Variants in NEK1 observed in about 807,000 individuals in gnomAD.
NEK1 encodes NIMA related kinase 1, also known as serine/threonine-protein kinase Nek1.
A neutral mutation model predicts 182.1 loss-of-function variants in NEK1; 137 were observed. The observed-to-expected ratio is 0.75, with a 90% CI of 0.65 to 0.87. NEK1 has a LOEUF of 0.87. Ranked by LOEUF, NEK1 falls within the 40% of genes least tolerant of loss-of-function variation. NEK1 has a pLI of 0.00. For missense variants in NEK1, 1,391 were observed against 1,494.4 expected, an observed-to-expected ratio of 0.93 and a Z score of 1.14; for synonymous variants, 513 against 492.2, an observed-to-expected ratio of 1.04 and a Z score of -0.56.
At chr4:169,543,209 T>C (rs948525302) in intron 18 of NEK1, among the ~76,000 whole-genome samples, 4 of 152,202 alleles carry the variant, frequency 2.6e-5, no homozygotes, top group Admixed American at 1.3e-4. Flanking sequence ...TGCATATGGC[T>C]AGCCAGTTTT....
chr4:169,500,580 AC>A (rs1752248616), intron 23 of NEK1, among the ~76,000 whole-genome samples: 1 of 152,118 alleles, frequency 6.6e-6, no homozygotes, highest in Non-Finnish European at 1.5e-5. Flanking sequence ...AATCTTACAA[AC>A]CAGAAGACAT....
At chr4:169,439,302 T>C (rs35886187) in intron 27 of NEK1, among the ~76,000 whole-genome samples, 1 of 152,146 alleles carries the variant, frequency 6.6e-6, no homozygotes, top group African/African-American at 2.4e-5. Flanking sequence ...TTGGCTGCAG[T>C]CCTTTTATAA....
At chr4:169,484,800 C>T (rs1748751325) in intron 23 of NEK1, among the ~76,000 whole-genome samples, 1 of 152,180 alleles carries the variant, frequency 6.6e-6, no homozygotes, top group Non-Finnish European at 1.5e-5. Flanking sequence ...TGTTTTTATC[C>T]TCTCTGAACC....
At chr4:169,422,061 G>A (rs78008685) in intron 31 of NEK1, among the ~76,000 whole-genome samples, 3,484 of 152,280 alleles carry the variant, frequency 0.023, 62 homozygotes, top group Non-Finnish European at 0.04. Flanking sequence ...CAGATAAAGT[G>A]AATTTAAAAG....
At chr4:169,494,972 T>TGTA (rs1336696611) in intron 23 of NEK1, among the ~76,000 whole-genome samples, 1 of 152,208 alleles carries the variant, frequency 6.6e-6, no homozygotes, top group East Asian at 1.9e-4. Flanking sequence ...TTGAGTTCAT[T>TGTA]GTAGATTCTG....
intron 27 of NEK1, among the ~76,000 whole-genome samples, chr4:169,445,865 T>TATATATATACACACACAC (rs569539235): frequency 4.9e-5 from 7 of 143,280 alleles, no homozygotes; most frequent in African/African-American, 1.9e-4. Context: ...TATATATATA[T>TATATATATACACACACAC]ACACACACAC....
chr4:169,581,078 G>A (rs1445011224), intron 10 of NEK1, among the ~76,000 whole-genome samples, 176 bp from the exon 11 acceptor site: 3 of 147,374 alleles, frequency 2.0e-5, no homozygotes, highest in Admixed American at 6.8e-5. Flanking sequence ...CCCAGGTGTC[G>A]TGGTTCATGC....
chr4:169,541,900 C>T (rs1759486102), intron 18 of NEK1, among the ~76,000 whole-genome samples: 1 of 152,186 alleles, frequency 6.6e-6, no homozygotes, highest in South Asian at 2.1e-4. Flanking sequence ...GTCCTCATAT[C>T]TGACCGAAAT....
At position 169,393,799 on chromosome 4, in the gene NEK1, A is replaced by G. The variant is rs899997899; in HGVS notation, c.*711T>C. On this transcript the variant is annotated 3_prime_UTR_variant, in exon 36 of 36. Transcript: ENST00000507142. The stretch of plus-strand genomic sequence containing the variant: ...TAAATCCACAGACTAATTTTTCGAT[A>G]TAGTATTCCTGGTTCTGGTCCTTAA... The G allele has an allele frequency of 1.3e-5, 2 of 152,184 alleles. No individual in the cohort carries two copies. The highest frequency in any genetic ancestry group is 4.8e-5 in the African/African-American group (2 of 41,460). 9.4% of individuals were successfully genotyped at this position (152,184 alleles called of 1,614,324 possible). A position where few individuals can be genotyped will look rare whatever the true frequency, so the allele number is the denominator to read the frequency against.
At position 169,576,947 on chromosome 4, in the gene NEK1, GGTTTC is replaced by G. The variant is rs1204331228; in HGVS notation, c.996_1000del (p.Lys332AsnfsTer6). On this transcript the variant is annotated frameshift_variant, in exon 12 of 36. Coordinates refer to ENST00000507142, the MANE Select transcript of NEK1 (RefSeq NM_001199397.3). LOFTEE classifies it high-confidence loss of function. The stretch of plus-strand genomic sequence containing the variant: ...TCATACCTGTTTATGTTTTTGCAGT[GGTTTC>G]TTTTCGTGTAATTTTTTATCTCCAT... The G allele has an allele frequency of 6.2e-7, 1 of 1,607,088 alleles. No individual in the cohort carries two copies. Among genetic ancestry groups the G allele is most frequent in the Non-Finnish European group, 8.5e-7 (1 of 1,176,570 alleles).
intron 8 of NEK1, among the ~76,000 whole-genome samples, chr4:169,588,210 AAAG>A (rs1380164471): frequency 6.6e-6 from 1 of 152,126 alleles, no homozygotes; most frequent in African/African-American, 2.4e-5. Context: ...CAAGGATTTC[AAAG>A]AAGTTACCTT....
At chr4:169,468,417 T>C (rs1247429098) in intron 26 of NEK1, among the ~76,000 whole-genome samples, 4 of 152,164 alleles carry the variant, frequency 2.6e-5, no homozygotes, top group East Asian at 1.9e-4. Context: ...GCTCCCAGCA[T>C]TTGTTAAAAA....
chr4:169,458,780 G>A (rs1743384591), intron 27 of NEK1, among the ~76,000 whole-genome samples: 2 of 147,144 alleles, frequency 1.4e-5, no homozygotes, highest in Admixed American at 1.4e-4. Flanking sequence ...AGTGAGCCAT[G>A]TTGCAACACT....
At chr4:169,474,771 G>A (rs564467624) in intron 26 of NEK1, among the ~76,000 whole-genome samples, 1 of 152,220 alleles carries the variant, frequency 6.6e-6, no homozygotes, top group African/African-American at 2.4e-5. Flanking sequence ...GCCCCTATAA[G>A]TCTGTCTCCT....
chr4:169,594,417 GTAAACTGA>G, intron 5 of NEK1, among the ~76,000 whole-genome samples: 1 of 152,188 alleles, frequency 6.6e-6, no homozygotes, highest in East Asian at 1.9e-4. Flanking sequence ...TATTAGAATG[GTAAACTGA>G]TCTTGGAACT....
intron 12 of NEK1, among the ~76,000 whole-genome samples, chr4:169,571,895 ATT>A (rs57480182): frequency 7.3e-6 from 1 of 137,198 alleles, no homozygotes. Flanking sequence ...TGCCCAGCTA[ATT>A]TTTTTTTTTT....
chr4:169,565,641 C>T (rs536572978), intron 12 of NEK1, among the ~76,000 whole-genome samples: 56 of 152,290 alleles, frequency 3.7e-4, no homozygotes, highest in Admixed American at 2.8e-3. Context: ...AGTACTGATA[C>T]ATGCTACAAC....
intron 9 of NEK1, 62 bp from the exon 10 acceptor site, chr4:169,585,611 G>C: frequency 9.6e-7 from 1 of 1,044,082 alleles, no homozygotes; most frequent in Non-Finnish European, 1.4e-6. Flanking sequence ...GAGAATATCG[G>C]TAATGAGAAA....
chr4:169,398,413 A>T (rs963571314), intron 35 of NEK1, among the ~76,000 whole-genome samples: 4 of 152,080 alleles, frequency 2.6e-5, no homozygotes, highest in Admixed American at 2.0e-4. Flanking sequence ...ACACTGTATG[A>T]TAGTGCCCTC....
Sources: allele counts gnomAD v4.1 joint callset (sites outside exome capture counted in the v4.1 genomes callset), GRCh38; gene constraint gnomAD v4.1.1; transcripts MANE v1.5; gene names NCBI Gene and HGNC (gene_info 2026-07-23, HGNC 2026-07-21).